CELSR1: variants seen among roughly 807,000 people sequenced by gnomAD.
CELSR1 encodes adhesion G protein-coupled receptor C1.
In CELSR1, 110 loss-of-function variants were observed where a neutral mutation model predicts 249.1. That is an observed-to-expected ratio of 0.44 (90% CI 0.38 to 0.52). CELSR1 has a LOEUF of 0.52. Ranked by LOEUF, CELSR1 falls within the 20% of genes least tolerant of loss-of-function variation. CELSR1 has a pLI of 0.00. For missense variants in CELSR1, 4,109 were observed against 4,296.4 expected, an observed-to-expected ratio of 0.96 and a Z score of 1.22; for synonymous variants, 2,113 against 1,900.0, an observed-to-expected ratio of 1.11 and a Z score of -2.92.
chr22:46,442,823 G>A (rs2079767761), intron 2 of CELSR1, among the ~76,000 whole-genome samples: 1 of 152,216 alleles, frequency 6.6e-6, no homozygotes, highest in African/African-American at 2.4e-5. Flanking sequence ...CTGGCGCGGT[G>A]GCTCACGCCT....
intron 5 of CELSR1, among the ~76,000 whole-genome samples, chr22:46,420,076 TCA>T (rs1031188419): frequency 2.1e-4 from 29 of 136,194 alleles, no homozygotes; most frequent in African/African-American, 9.3e-4. Flanking sequence ...GCGCTCATAC[TCA>T]CATGTGCACA....
intron 1 of CELSR1, among the ~76,000 whole-genome samples, chr22:46,480,168 T>C (rs1470727423): frequency 6.6e-6 from 1 of 152,206 alleles, no homozygotes; most frequent in Non-Finnish European, 1.5e-5. Flanking sequence ...GATTGTCCTG[T>C]CGTTTTGCTA....
rs1179144700 is a variant in CELSR1 at position 46,393,252 on chromosome 22, T to A, written c.5964+890A>T. On this transcript the variant is annotated intron_variant, in intron 14 of 34. Coordinates refer to ENST00000674500, the MANE Select transcript of CELSR1 (RefSeq NM_001378328.1). The surrounding 1 kb of genome is among the most constrained non-coding windows in gnomAD (Gnocchi z 4.1). Reference sequence around the variant, plus strand: ...CGAAGATCCTGAAGGAGGTGATGTATCCTGAGAGGGCTGGGGAGGGGTCCC... The same window carrying A: ...CGAAGATCCTGAAGGAGGTGATGTAACCTGAGAGGGCTGGGGAGGGGTCCC... Among the ~76,000 whole-genome samples, 3 of 152,152 alleles carry A rather than the reference T, an allele frequency of 2.0e-5. No homozygotes were observed. Among genetic ancestry groups the A allele is most frequent in the African/African-American group, 7.2e-5 (3 of 41,440 alleles).
chr22:46,454,007 C>T lies in CELSR1; in HGVS notation c.4183+9700G>A, dbSNP rs1381902405. Among the ~76,000 whole-genome samples the T allele has an allele frequency of 1.3e-5, 2 of 152,202 alleles. No homozygotes were observed. The highest frequency in any genetic ancestry group is 6.5e-5 in the Admixed American group (1 of 15,282). Reference sequence around the variant, plus strand: ...TGACCTCAAGGCCTAAGGGACTTTGCAGATGTGATTAAGGATCTTGAGACG... The same window carrying T: ...TGACCTCAAGGCCTAAGGGACTTTGTAGATGTGATTAAGGATCTTGAGACG... On this transcript the variant is annotated intron_variant, in intron 2 of 34. Coordinates refer to ENST00000674500, the MANE Select transcript of CELSR1 (RefSeq NM_001378328.1). The surrounding 1 kb of genome is among the most constrained non-coding windows in gnomAD (Gnocchi z 5.1).
Position 46,373,067 on chromosome 22 carries a change from G to A in CELSR1, c.7585-10C>T, listed in dbSNP as rs767395495. ...CCACTGTGCACAGAAACTGCGCAGG[G>A]AGGGGCCGCTCAGCAAGGGCCCCTG... On this transcript the variant is annotated splice_polypyrimidine_tract_variant and intron_variant, in intron 24 of 34. Transcript: ENST00000674500. 6.3e-6 allele frequency: 10 copies of A among 1,584,620 alleles called. No homozygotes were observed. The South Asian group carries it at 1.1e-4, about 18-fold the overall frequency.
rs555195323 is a variant in CELSR1, at chr22:46,417,510, G to A, written c.4612-5751C>T. ...CTTTTGATGACCTGGCTCGAAGGGT[G>A]CGGTATTCCCCCAGGGCTGTCAGCA... On this transcript the variant is annotated intron_variant, in intron 5 of 34. Coordinates refer to ENST00000674500, the MANE Select transcript of CELSR1 (RefSeq NM_001378328.1). The surrounding 1 kb of genome is among the most constrained non-coding windows in gnomAD (Gnocchi z 4.1). Among the ~76,000 whole-genome samples the A allele has an allele frequency of 6.6e-6, 1 of 152,306 alleles. No homozygotes were observed. The highest frequency in any genetic ancestry group is 2.1e-4 in the South Asian group (1 of 4,830).
Position 46,399,859 on chromosome 22 carries a change from G to T in CELSR1, c.5270C>A (p.Ser1757Tyr). 4 of 1,614,166 alleles carry T rather than the reference G, an allele frequency of 2.5e-6. No homozygotes were observed. The highest frequency in any genetic ancestry group is 3.4e-6 in the Non-Finnish European group (4 of 1,179,998). The change falls in exon 10 of 35, where the codon TCC (serine) becomes TAC (tyrosine). Residue 1757 changes from serine to tyrosine, a missense_variant. Coordinates refer to ENST00000674500, the MANE Select transcript of CELSR1 (RefSeq NM_001378328.1). This position sits in a 1 kb window ranked among gnomAD's most constrained non-coding sequence, Gnocchi z 5.0. Reference protein sequence around the residue: ...YLQFEVSHGPSDVESVMLSGL... With the variant: ...YLQFEVSHGPYDVESVMLSGL... ...GGACAGCATCACGGACTCCACATCG[G>T]AGGGGCCGTGGGACACCTCAAACTG...
chr22:46,365,535 G>A, intron 31 of CELSR1, 51 bp downstream of exon 31: 10 of 1,545,788 alleles, frequency 6.5e-6, no homozygotes, highest in Non-Finnish European at 7.9e-6. Flanking sequence ...GTGACCGAAG[G>A]GACGTGGGAA....
At chr22:46,513,106 G>A (rs1033586546) in intron 1 of CELSR1, among the ~76,000 whole-genome samples, 1 of 152,132 alleles carries the variant, frequency 6.6e-6, no homozygotes, top group Admixed American at 6.5e-5. Flanking sequence ...TCAAACCCGC[G>A]ACCACCATCA....
rs368406199 is a variant in CELSR1 at position 46,390,177 on chromosome 22, A to G, written c.6345+215T>C. Among the ~76,000 whole-genome samples, 2,266 of 152,242 alleles carry G rather than the reference A, an allele frequency of 0.015. 54 individuals are homozygous for G. The highest frequency in any genetic ancestry group is 0.051 in the African/African-American group (2,132 of 41,528). On this transcript the variant is annotated intron_variant, in intron 17 of 34. Coordinates refer to ENST00000674500, the MANE Select transcript of CELSR1 (RefSeq NM_001378328.1). This position sits in a 1 kb window ranked among gnomAD's most constrained non-coding sequence, Gnocchi z 6.3. The stretch of plus-strand genomic sequence containing the variant: ...CACAGAGCTGGGTCCTCTGGGGGAG[A>G]GAAGTCCACGTGGGGGTGCCTGGCT...
chr22:46,443,178 G>A (rs903422154), intron 2 of CELSR1, among the ~76,000 whole-genome samples: 3 of 152,210 alleles, frequency 2.0e-5, no homozygotes, highest in Admixed American at 6.5e-5. Flanking sequence ...TCTCGAGAAC[G>A]AGGAGGGCTG....
In CELSR1 at chr22:46,436,479, G is replaced by A. The variant is rs373651485; in HGVS notation, c.4407-190C>T. Among the ~76,000 whole-genome samples the A allele has an allele frequency of 3.2e-4, 48 of 152,300 alleles. No individual in the cohort carries two copies. Among genetic ancestry groups the A allele is most frequent in the African/African-American group, 1.0e-3 (43 of 41,548 alleles). The stretch of plus-strand genomic sequence containing the variant: ...GCTTGATAAGCAGGGTTCTTTTCTG[G>A]AAGCAGCAAACCAGAATCCATGGGG... On this transcript the variant is annotated intron_variant, in intron 3 of 34. Coordinates refer to ENST00000674500, the MANE Select transcript of CELSR1 (RefSeq NM_001378328.1). The surrounding 1 kb of genome is among the most constrained non-coding windows in gnomAD (Gnocchi z 5.9).
intron 18 of CELSR1, among the ~76,000 whole-genome samples, chr22:46,386,959 T>C (rs2147239263): frequency 6.6e-6 from 1 of 152,298 alleles, no homozygotes; most frequent in African/African-American, 2.4e-5. Context: ...GGCTTCACCA[T>C]GTTGGCCAGG....
Position 46,411,268 on chromosome 22 carries a change from TA to T in CELSR1, c.4769+333del, listed in dbSNP as rs2079331276. ...CAGCTGGCTGACACAGTGCTTCACT[TA>T]ACAGAGTCCTGGAGTCCCAGGTACC... On this transcript the variant is annotated intron_variant, in intron 6 of 34. Transcript: ENST00000674500. The surrounding 1 kb of genome is among the most constrained non-coding windows in gnomAD (Gnocchi z 4.2). Among the ~76,000 whole-genome samples, 2 of 152,030 alleles carry T rather than the reference TA, an allele frequency of 1.3e-5. No homozygotes were observed. Among genetic ancestry groups the T allele is most frequent in the South Asian group, 4.2e-4 (2 of 4,812 alleles).
At chr22:46,502,999 G>A (rs900764984) in intron 1 of CELSR1, among the ~76,000 whole-genome samples, 1 of 152,156 alleles carries the variant, frequency 6.6e-6, no homozygotes, top group Non-Finnish European at 1.5e-5. Flanking sequence ...GGCTCGAGTT[G>A]GAAGTGCCCA....
Position 46,400,895 on chromosome 22 carries a change from T to G in CELSR1, c.5227-993A>C, listed in dbSNP as rs145401360. 9.8e-4 allele frequency among the ~76,000 whole-genome samples: 149 copies of G among 151,894 alleles called. 1 individual carries two copies. The highest frequency in any genetic ancestry group is 1.5e-3 in the Non-Finnish European group (101 of 67,980). On this transcript the variant is annotated intron_variant, in intron 9 of 34. Coordinates refer to ENST00000674500, the MANE Select transcript of CELSR1 (RefSeq NM_001378328.1). ...CAAGCCCAGGAGGCAGAGGTTGCAG[T>G]GAGCCTAGGTAGCACTACTGTACTT...
intron 19 of CELSR1, 98 bp downstream of exon 19, chr22:46,386,304 G>T: frequency 7.6e-7 from 1 of 1,315,494 alleles, no homozygotes; most frequent in Non-Finnish European, 1.0e-6. Flanking sequence ...GGCCAAGGGG[G>T]GGCCGGGAGC....
chr22:46,391,152 C>G lies in CELSR1; in HGVS notation c.6250+34G>C, dbSNP rs910170964. ...TGGCTCCTCCCACAAGGACGCCTGCCTCAGTTCCCTACACACAGGCCACGG... is the reference window on the plus strand; with the variant it reads ...TGGCTCCTCCCACAAGGACGCCTGCGTCAGTTCCCTACACACAGGCCACGG... On this transcript the variant is annotated intron_variant, in intron 16 of 34. Coordinates refer to ENST00000674500, the MANE Select transcript of CELSR1 (RefSeq NM_001378328.1). This position sits in a 1 kb window ranked among gnomAD's most constrained non-coding sequence, Gnocchi z 4.3. 17 of 1,562,408 alleles carry G rather than the reference C, an allele frequency of 1.1e-5. No homozygotes were observed. The highest frequency in any genetic ancestry group is 1.5e-5 in the Non-Finnish European group (17 of 1,138,884).
In CELSR1 at chr22:46,394,203, C is replaced by T; in HGVS notation, c.5903G>A (p.Cys1968Tyr). ...GGGATCAAAGCCTTTGCTGACGGCA[C>T]AGTGGCAGGGTCCACAGACGGGGTT... The part of the protein sequence containing the change: ...WGNPVCGPCH[C>Y]AVSKGFDPDC... The change falls in exon 14 of 35, where the codon TGT becomes TAT. Residue 1968 changes from cysteine (C) to tyrosine (Y), a missense_variant. Cys to Tyr is a radical substitution (Grantham distance 194, BLOSUM62 -2). This residue lies in a region of CELSR1 where 1,805 missense variants were observed against 1,831.6 expected (regional missense o/e 0.99). Transcript: ENST00000674500. The T allele has an allele frequency of 6.2e-7, 1 of 1,614,088 alleles. No homozygotes were observed. The highest frequency in any genetic ancestry group is 8.5e-7 in the Non-Finnish European group (1 of 1,179,986).
Sources: allele counts gnomAD v4.1 joint callset (sites outside exome capture counted in the v4.1 genomes callset), GRCh38; gene constraint gnomAD v4.1.1; regional missense constraint gnomAD v4.1.1; non-coding constraint Gnocchi (gnomAD v3.1); transcripts MANE v1.5; gene names NCBI Gene and HGNC (gene_info 2026-07-23, HGNC 2026-07-21).